The following NDRG4 variants were observed in gnomAD, a reference collection of about 807,000 sequenced individuals.
The protein encoded by NDRG4 is protein NDRG4.
In NDRG4, 38 loss-of-function variants were observed where a neutral mutation model predicts 55.8. The ratio of observed to expected loss-of-function variants is 0.68; its 90% CI spans 0.53 to 0.89. The LOEUF (loss-of-function observed/expected upper bound fraction) is 0.89, where lower values mean the gene tolerates loss of function less well. Ranked by LOEUF, NDRG4 falls within the 40% of genes least tolerant of loss-of-function variation. The pLI is 0.00. For missense variants in NDRG4, 455 were observed against 468.6 expected (o/e 0.97, Z 0.27); for synonymous variants, 190 against 182.7 (o/e 1.04, Z -0.32).
At position 58,506,992 on chromosome 16, in the gene NDRG4, G is replaced by A. The variant is rs777872749; in HGVS notation, c.597G>A (p.Gln199=). Reference sequence around the variant, plus strand: ...ACGTGGTGAACCAGGCCAACCTGCAGCTCTTCTGGAACATGTACAACAGGT... The same window carrying A: ...ACGTGGTGAACCAGGCCAACCTGCAACTCTTCTGGAACATGTACAACAGGT... ...IGNVVNQANL[Q]LFWNMYNSRR... is the part of the protein sequence containing the mutation. The change falls in exon 8 of 15, where the codon CAG becomes CAA. Residue 199 remains glutamine, a synonymous_variant. Transcript: ENST00000570248. 3 of 1,613,900 alleles carry A rather than the reference G, an allele frequency of 1.9e-6. No homozygotes were observed. The Admixed American group carries it at 5.0e-5, about 27-fold the overall frequency.
intron 5 of NDRG4, among the ~76,000 whole-genome samples, chr16:58,505,143 A>T (rs1342531281): frequency 2.0e-5 from 3 of 152,104 alleles, no homozygotes; most frequent in Non-Finnish European, 4.4e-5. Context: ...AGGTCAGGAG[A>T]TCAAGACCAT....
intron 5 of NDRG4, chr16:58,506,027 T>C: frequency 2.7e-6 from 1 of 372,686 alleles, no homozygotes; most frequent in Non-Finnish European, 5.0e-6. Flanking sequence ...TGGCCAGGGC[T>C]TCATTCTCTA....
chr16:58,477,799 G>C (rs575854062), intron 1 of NDRG4, among the ~76,000 whole-genome samples: 1 of 152,180 alleles, frequency 6.6e-6, no homozygotes, highest in East Asian at 1.9e-4. Flanking sequence ...GGGGAAGTAT[G>C]ATGAGACATA....
intron 7 of NDRG4, 139 bp from the exon 8 acceptor site, chr16:58,506,773 C>T: frequency 8.7e-7 from 1 of 1,154,052 alleles, no homozygotes; most frequent in Middle Eastern, 2.1e-4. Context: ...CCCCACACCT[C>T]CTACCTGCCC....
chr16:58,500,026 A>T (rs752552516), upstream of NDRG4: 6 of 1,299,690 alleles, frequency 4.6e-6, no homozygotes, highest in Non-Finnish European at 6.2e-6. Flanking sequence ...CCAGCAGCCA[A>T]TATGGGAGCT....
chr16:58,499,999 G>A, upstream of NDRG4: 1 of 1,024,256 alleles, frequency 9.8e-7, no homozygotes, highest in Non-Finnish European at 1.4e-6. Flanking sequence ...GAAGCCAATT[G>A]GAGCCAGGCT....
At position 58,512,932 on chromosome 16, in the gene NDRG4, C is replaced by T. The variant is rs2038949692; in HGVS notation, c.*1356C>T. ...GGGTGTTCTGAGGCTGAGAGGACACCTATATGCGTATTTCCTCTACACACA... is the reference window on the plus strand; with the variant it reads ...GGGTGTTCTGAGGCTGAGAGGACACTTATATGCGTATTTCCTCTACACACA... On this transcript the variant is annotated 3_prime_UTR_variant, in exon 15 of 15. Transcript: ENST00000570248. 1 of 152,614 alleles carries T rather than the reference C, an allele frequency of 6.6e-6. No individual in the cohort carries two copies. Among genetic ancestry groups the T allele is most frequent in the Non-Finnish European group, 1.5e-5 (1 of 68,062 alleles). 9.5% of individuals were successfully genotyped at this position (152,614 alleles called of 1,614,324 possible). A position where few individuals can be genotyped will look rare whatever the true frequency, so the allele number is the denominator to read the frequency against.
At position 58,504,383 on chromosome 16, in the gene NDRG4, G is replaced by C. The variant is rs1276243258; in HGVS notation, c.273G>C (p.Gln91His). Residue 91 changes from glutamine to histidine, a missense_variant, in exon 4 of 15, where the codon CAG (glutamine) becomes CAC (histidine). Transcript: ENST00000570248. ...PQGYQFPSME[Q>H]LAAMLPSVVQ... ...GGTACCAGTTCCCCTCCATGGAGCA[G>C]CTGGCTGCCATGCTCCCCAGCGTGG... 1 of 1,613,060 alleles carries C rather than the reference G, an allele frequency of 6.2e-7. No homozygotes were observed. The highest frequency in any genetic ancestry group is 8.5e-7 in the Non-Finnish European group (1 of 1,180,030).
intron 1 of NDRG4, chr16:58,472,118 T>A (rs1468723945): frequency 6.6e-6 from 1 of 152,036 alleles, no homozygotes; most frequent in Non-Finnish European, 1.5e-5. Flanking sequence ...CCCCTTTAAG[T>A]TTTTGGAAGA....
rs1261366841 is a variant in NDRG4 at position 58,509,147 on chromosome 16, C to T, written c.778-7C>T. On this transcript the variant is annotated splice_polypyrimidine_tract_variant and splice_region_variant and intron_variant, in intron 11 of 14. Coordinates refer to ENST00000570248, the MANE Select transcript of NDRG4 (RefSeq NM_001242835.2). ...CTGCTCAGGTCACCCCACTCTCTCC[C>T]TTGCAGATGGCAGACTCTGGAGGGC... 2 of 1,614,044 alleles carry T rather than the reference C, an allele frequency of 1.2e-6. No individual in the cohort carries two copies. The highest frequency in any genetic ancestry group is 1.7e-5 in the Admixed American group (1 of 60,030).
intron 1 of NDRG4, among the ~76,000 whole-genome samples, chr16:58,468,105 GGGGAA>G (rs2032064789): frequency 6.6e-6 from 1 of 152,198 alleles, no homozygotes; most frequent in South Asian, 2.1e-4. Context: ...CTGACATCAT[GGGGAA>G]GGCCAGGTGC....
At position 58,488,437 on chromosome 16, in the gene NDRG4, C is replaced by T. The variant is rs183260525; in HGVS notation, c.72+587C>T. 1.2e-3 allele frequency among the ~76,000 whole-genome samples: 182 copies of T among 152,320 alleles called. 4 individuals carry two copies. The highest frequency in any genetic ancestry group is 8.5e-3 in the Admixed American group (130 of 15,300). ...TTTGTTGTGACAACACCCTGTCCAC[C>T]TTCCCTTTCCCTCCCTCCCAGTGCC... On this transcript the variant is annotated intron_variant, in intron 2 of 15. Transcript: ENST00000258187.
chr16:58,465,026 AG>A, intron 1 of NDRG4: 1 of 1,250,324 alleles, frequency 8.0e-7, no homozygotes, highest in Non-Finnish European at 1.0e-6. Flanking sequence ...ACTCACATCC[AG>A]GGGGCAGTGG....
intron 1 of NDRG4, among the ~76,000 whole-genome samples, chr16:58,475,245 T>G (rs532649036): frequency 7.2e-5 from 11 of 152,196 alleles, no homozygotes; most frequent in Non-Finnish European, 1.3e-4. Context: ...CGAGAATTCG[T>G]GACAAAAAGT....
chr16:58,502,515 G>A (rs1010535441), intron 1 of NDRG4, among the ~76,000 whole-genome samples: 9 of 152,286 alleles, frequency 5.9e-5, no homozygotes, highest in African/African-American at 2.2e-4. Flanking sequence ...TGGAGACACA[G>A]GCCTGGACAG....
At chr16:58,503,665 G>A in intron 1 of NDRG4, 133 bp from the exon 2 acceptor site, 1 of 1,530,698 alleles carries the variant, frequency 6.5e-7, no homozygotes, top group Non-Finnish European at 8.8e-7. Context: ...GCTTCTTGGG[G>A]TGATGAGAAC....
At chr16:58,507,537 C>G in intron 8 of NDRG4, 2 of 503,142 alleles carry the variant, frequency 4.0e-6, no homozygotes, top group South Asian at 7.6e-5. Context: ...GCCTGCCATC[C>G]CATATGGTCC....
chr16:58,482,408 A>G (rs73558486), intron 1 of NDRG4, among the ~76,000 whole-genome samples: 3,157 of 150,504 alleles, frequency 0.021, 125 homozygotes, highest in African/African-American at 0.073. Flanking sequence ...CTCTAACTTC[A>G]CTCCATTTAA....
chr16:58,507,677 G>A, intron 8 of NDRG4, 131 bp from the exon 9 acceptor site: 2 of 846,920 alleles, frequency 2.4e-6, no homozygotes, highest in South Asian at 1.7e-5. Flanking sequence ...GTGACAGGGA[G>A]CCTCCAGTTC....
Sources: allele counts gnomAD v4.1 joint callset (sites outside exome capture counted in the v4.1 genomes callset), GRCh38; gene constraint gnomAD v4.1.1; transcripts MANE v1.5; gene names NCBI Gene and HGNC (gene_info 2026-07-23, HGNC 2026-07-21).